DICER1: variants seen among roughly 807,000 people sequenced by gnomAD.
DICER1 encodes the protein endoribonuclease Dicer.
Under a neutral mutation model 194.1 loss-of-function variants are expected in DICER1, and 43 were observed. The ratio of observed to expected loss-of-function variants is 0.22; its 90% CI spans 0.17 to 0.29. The LOEUF is 0.29. DICER1 is among the 10% of genes least tolerant of loss of function. The pLI is 1.00. For missense variants in DICER1, 1,608 were observed against 2,317.0 expected (o/e 0.69, Z 6.28); for synonymous variants, 832 against 820.5 (o/e 1.01, Z -0.24).
intron 10 of DICER1, among the ~76,000 whole-genome samples, chr14:95,116,134 C>T (rs1329641300): frequency 6.6e-6 from 1 of 152,020 alleles, no homozygotes; most frequent in Non-Finnish European, 1.5e-5. Flanking sequence ...CATCATTTTC[C>T]AATCACTCAA....
Position 95,145,915 on chromosome 14 carries a change from G to A in DICER1, c.-46+11315C>T, listed in dbSNP as rs1230651046. Among the ~76,000 whole-genome samples the A allele has an allele frequency of 3.3e-5, 5 of 151,748 alleles. 1 individual carries two copies. Among genetic ancestry groups the A allele is most frequent in the South Asian group, 4.2e-4 (2 of 4,816 alleles). Reference sequence around the variant, plus strand: ...CACAAAAAAAACTTCATATAGAAACGCTCCCTTCATCATTACCATTTATAA... The same window carrying A: ...CACAAAAAAAACTTCATATAGAAACACTCCCTTCATCATTACCATTTATAA... On this transcript the variant is annotated intron_variant, in intron 1 of 26. Coordinates refer to ENST00000343455, the MANE Select transcript of DICER1 (RefSeq NM_177438.3).
At chr14:95,094,819 T>G (rs1476072296) in intron 23 of DICER1, among the ~76,000 whole-genome samples, 3 of 152,310 alleles carry the variant, frequency 2.0e-5, no homozygotes, top group Admixed American at 6.5e-5. Flanking sequence ...AATCAACACC[T>G]CTATTTTCTC....
intron 7 of DICER1, among the ~76,000 whole-genome samples, chr14:95,125,898 G>T (rs2140226067): frequency 6.6e-6 from 1 of 152,070 alleles, no homozygotes; most frequent in South Asian, 2.1e-4. Context: ...AAGGAAGAAA[G>T]AATGCAAAGA....
At chr14:95,090,700 A>G (rs1314688805) in intron 26 of DICER1, 37 bp from the exon 27 acceptor site, 4 of 1,611,504 alleles carry the variant, frequency 2.5e-6, no homozygotes, top group African/African-American at 2.7e-5. Flanking sequence ...TAGAAGTCAG[A>G]AGTATTTATT....
intron 1 of DICER1, chr14:95,141,794 T>C (rs1215751977): frequency 6.6e-6 from 1 of 152,230 alleles, no homozygotes; most frequent in African/African-American, 2.4e-5. Flanking sequence ...ACTCATTTTT[T>C]AAAACGAACT....
chr14:95,104,153 A>G (rs1210101860), intron 20 of DICER1, 27 bp from the exon 21 acceptor site: 1 of 1,585,158 alleles, frequency 6.3e-7, no homozygotes, highest in Non-Finnish European at 8.6e-7. Flanking sequence ...ATAACTTTAC[A>G]TCAGATTCTT....
At position 95,088,097 on chromosome 14, in the gene DICER1, T is replaced by A. The variant is rs1467597540; in HGVS notation, c.*2401A>T. The A allele has an allele frequency of 8.6e-6, 2 of 232,672 alleles. No homozygotes were observed. Among genetic ancestry groups the A allele is most frequent in the Non-Finnish European group, 1.7e-5 (2 of 117,624 alleles). The allele number at this position is 232,672 out of a possible 1,614,324, so 14.4% of individuals were successfully genotyped here. A position where few individuals can be genotyped will look rare whatever the true frequency, so the allele number is the denominator to read the frequency against. On this transcript the variant is annotated 3_prime_UTR_variant, in exon 27 of 27. Coordinates refer to ENST00000343455, the MANE Select transcript of DICER1 (RefSeq NM_177438.3). The stretch of plus-strand genomic sequence containing the variant: ...GGGGATCACAGAATGCTTCAAACTG[T>A]GAGTCAAATTAAAATCTACTATTTT...
rs982013263 is a variant in DICER1, at chr14:95,088,720, C to G, written c.*1778G>C. 8.6e-6 allele frequency: 2 copies of G among 232,370 alleles called. No homozygotes were observed. Among genetic ancestry groups the G allele is most frequent in the Non-Finnish European group, 1.7e-5 (2 of 117,554 alleles). 14.4% of individuals were successfully genotyped at this position (232,370 alleles called of 1,614,324 possible). A position where few individuals can be genotyped will look rare whatever the true frequency, so the allele number is the denominator to read the frequency against. The stretch of plus-strand genomic sequence containing the variant: ...CAAAAAACACTGGAGAAGCTTAATA[C>G]CCCCCTCACTCAGGGTTCCTTAGAA... On this transcript the variant is annotated 3_prime_UTR_variant, in exon 27 of 27. Coordinates refer to ENST00000343455, the MANE Select transcript of DICER1 (RefSeq NM_177438.3).
intron 1 of DICER1, chr14:95,137,855 G>A (rs181679527): frequency 1.3e-5 from 2 of 154,584 alleles, no homozygotes; most frequent in East Asian, 1.9e-4. Context: ...CGCTTGTTTC[G>A]GAAACAAATT....
At chr14:95,125,183 T>C (rs534966607) in intron 7 of DICER1, among the ~76,000 whole-genome samples, 14 of 152,290 alleles carry the variant, frequency 9.2e-5, no homozygotes, top group Non-Finnish European at 1.9e-4. Flanking sequence ...GTAAAAACAC[T>C]GCACAGCTGT....
chr14:95,090,968 C>A lies in DICER1; in HGVS notation c.5603+66G>T, dbSNP rs950000665. The A allele has an allele frequency of 4.2e-6, 6 of 1,420,532 alleles. No individual in the cohort carries two copies. The Admixed American group carries it at 8.6e-5, about 20-fold the overall frequency. The allele number at this position is 1,420,532 out of a possible 1,614,324, so 88.0% of individuals were successfully genotyped here. A position where few individuals can be genotyped will look rare whatever the true frequency, so the allele number is the denominator to read the frequency against. ...TTTCAGAATCATTAGTTTACAATAT[C>A]TTTGTGAACTTTTCCCCTTTGATGT... On this transcript the variant is annotated intron_variant, in intron 26 of 26. Coordinates refer to ENST00000343455, the MANE Select transcript of DICER1 (RefSeq NM_177438.3).
rs776493441 is a variant in DICER1, at chr14:95,105,667, T to C, written c.3093+11A>G. 2 of 1,554,672 alleles carry C rather than the reference T, an allele frequency of 1.3e-6. No individual in the cohort carries two copies. Among genetic ancestry groups the C allele is most frequent in the Non-Finnish European group, 1.8e-6 (2 of 1,126,190 alleles). On this transcript the variant is annotated intron_variant, in intron 19 of 26. Transcript: ENST00000343455. The surrounding 1 kb of genome is among the most constrained non-coding windows in gnomAD (Gnocchi z 4.9). ...AAATACTAAGTTATGCTAGTACAATTAACTCATTACCTGTTTATTCTGCAG... is the reference window on the plus strand; with the variant it reads ...AAATACTAAGTTATGCTAGTACAATCAACTCATTACCTGTTTATTCTGCAG...
intron 17 of DICER1, among the ~76,000 whole-genome samples, chr14:95,106,738 T>A (rs1891463063): frequency 6.6e-6 from 1 of 152,090 alleles, no homozygotes; most frequent in Non-Finnish European, 1.5e-5. Context: ...CTGCCTGTAT[T>A]GTATTGCCCC....
In DICER1 at chr14:95,130,144, A is replaced by G. The variant is rs1274642595; in HGVS notation, c.487T>C (p.Tyr163His). 6.2e-7 allele frequency: 1 copy of G among 1,613,386 alleles called. No individual in the cohort carries two copies. Among genetic ancestry groups the G allele is most frequent in the South Asian group, 1.1e-5 (1 of 91,058 alleles). Residue 163 changes from tyrosine (Y) to histidine (H), a missense_variant, in exon 5 of 27, where the codon TAC becomes CAC. Physicochemically the swap from Tyr to His is moderately conservative, Grantham distance 83 (BLOSUM62 2). Transcript: ENST00000343455. The stretch of plus-strand genomic sequence containing the variant: ...AGGTTAATGTCTGACAGTGATAAGT[A>G]ACCATTTTTCAAAACATTCAAGGCG... ...YVALNVLKNG[Y>H]LSLSDINLLV... is the part of the protein sequence containing the mutation.
chr14:95,156,822 C>T (rs1174646536), intron 1 of DICER1, among the ~76,000 whole-genome samples: 1 of 152,148 alleles, frequency 6.6e-6, no homozygotes, highest in African/African-American at 2.4e-5. Flanking sequence ...CCAGGGTGCT[C>T]CGGCAGGTCA....
At chr14:95,097,820 TCTAA>T (rs1352851886) in intron 22 of DICER1, among the ~76,000 whole-genome samples, 10 of 152,316 alleles carry the variant, frequency 6.6e-5, no homozygotes, top group Admixed American at 2.0e-4. Context: ...AAGCCATATC[TCTAA>T]CTATTTATCT....
At chr14:95,099,727 C>T in intron 22 of DICER1, 53 bp downstream of exon 22, 1 of 1,527,768 alleles carries the variant, frequency 6.5e-7, no homozygotes, top group Non-Finnish European at 8.7e-7. Flanking sequence ...TAAATCCCTC[C>T]AGTTACACAC....
At chr14:95,148,972 T>TTGCCCAGGCCAGAGTGCCATGG (rs540601885) in intron 1 of DICER1, among the ~76,000 whole-genome samples, 5,314 of 152,198 alleles carry the variant, frequency 0.035, 336 homozygotes, top group African/African-American at 0.12. Context: ...TCTCACTCTG[T>TTGCCCAGGCCAGAGTGCCATGG]CTATTTACAG....
chr14:95,142,519 G>C (rs1365844266), intron 1 of DICER1, among the ~76,000 whole-genome samples: 1 of 152,134 alleles, frequency 6.6e-6, no homozygotes, highest in African/African-American at 2.4e-5. Context: ...AAATTACTAA[G>C]TTGATAATCC....
Sources: gnomAD v4.1 joint callset for allele counts (sites outside exome capture counted in the v4.1 genomes callset) on GRCh38, gnomAD v4.1.1 for gene constraint, Gnocchi (gnomAD v3.1) non-coding constraint, MANE v1.5 for transcripts, NCBI Gene and HGNC (gene_info 2026-07-23, HGNC 2026-07-21) for gene names.